MAP3K4: variants seen among roughly 807,000 people sequenced by gnomAD.
The protein encoded by MAP3K4 is MAP three kinase 1.
A neutral mutation model predicts 185.6 loss-of-function variants in MAP3K4; 67 were observed. The ratio of observed to expected loss-of-function variants is 0.36; its 90% CI spans 0.30 to 0.44. The LOEUF is 0.44. MAP3K4 is among the 20% of genes least tolerant of loss of function. The pLI, the probability that MAP3K4 is intolerant of heterozygous loss-of-function variation, is 1.00. For synonymous variants in MAP3K4, 702 were observed against 710.4 expected (o/e 0.99, Z 0.19); for missense variants, 1,551 against 1,995.1 (o/e 0.78, Z 4.24).
At chr6:161,045,353 G>T (rs909541946) in intron 2 of MAP3K4, among the ~76,000 whole-genome samples, 1 of 152,080 alleles carries the variant, frequency 6.6e-6, no homozygotes, top group Admixed American at 6.5e-5. Context: ...AAAAAATTGT[G>T]TAATAGACTG....
In MAP3K4 at chr6:161,088,546, G is replaced by A. The variant is rs143412415; in HGVS notation, c.2823+592G>A. 1.2e-3 allele frequency among the ~76,000 whole-genome samples: 176 copies of A among 152,228 alleles called. No homozygotes were observed. Among genetic ancestry groups the A allele is most frequent in the African/African-American group, 3.9e-3 (162 of 41,528 alleles). ...CCCAACAACTCTGCTTTTATATTCC[G>A]TCTCAGTGAATGGTTCCGCGTTCAC... On this transcript the variant is annotated intron_variant, in intron 10 of 26. Coordinates refer to ENST00000392142, the MANE Select transcript of MAP3K4 (RefSeq NM_005922.4). The surrounding 1 kb of genome is among the most constrained non-coding windows in gnomAD (Gnocchi z 4.5).
rs1255332333 is a variant in MAP3K4 at position 161,091,557 on chromosome 6, A to G, written c.3135+17A>G. On this transcript the variant is annotated intron_variant, in intron 12 of 26. Transcript: ENST00000392142. This position sits in a 1 kb window ranked among gnomAD's most constrained non-coding sequence, Gnocchi z 5.5. ...GGATTTGAGGTAGGTTCAAAATAAGAGGAAACACGGTACAATTTAGTAATT... is the reference window on the plus strand; with the variant it reads ...GGATTTGAGGTAGGTTCAAAATAAGGGGAAACACGGTACAATTTAGTAATT... 17 of 1,604,076 alleles carry G rather than the reference A, an allele frequency of 1.1e-5. No homozygotes were observed. The highest frequency in any genetic ancestry group is 1.4e-5 in the Non-Finnish European group (17 of 1,175,422).
rs34643348 is a variant in MAP3K4, at chr6:161,076,934, G to T, written c.2097+3322G>T. ...GTAGAACCATGTGAACAAGACTACA[G>T]CTGAGAAAAATGCCCTCAGGAAAGG... On this transcript the variant is annotated intron_variant, in intron 5 of 26. Coordinates refer to ENST00000392142, the MANE Select transcript of MAP3K4 (RefSeq NM_005922.4). This position sits in a 1 kb window ranked among gnomAD's most constrained non-coding sequence, Gnocchi z 4.2. Among the ~76,000 whole-genome samples, 1 of 152,200 alleles carries T rather than the reference G, an allele frequency of 6.6e-6. No individual in the cohort carries two copies. The highest frequency in any genetic ancestry group is 2.1e-4 in the South Asian group (1 of 4,828).
chr6:161,066,313 T>G (rs1174226958), intron 3 of MAP3K4, among the ~76,000 whole-genome samples: 2 of 152,166 alleles, frequency 1.3e-5, no homozygotes, highest in Non-Finnish European at 2.9e-5. Context: ...TCTCCCCTTT[T>G]CCTTTTGTTC....
Position 161,075,724 on chromosome 6 carries a change from G to C in MAP3K4, c.2097+2112G>C, listed in dbSNP as rs1785144733. 6.6e-6 allele frequency among the ~76,000 whole-genome samples: 1 copy of C among 152,170 alleles called. No individual in the cohort carries two copies. Among genetic ancestry groups the C allele is most frequent in the Non-Finnish European group, 1.5e-5 (1 of 68,050 alleles). On this transcript the variant is annotated intron_variant, in intron 5 of 26. Coordinates refer to ENST00000392142, the MANE Select transcript of MAP3K4 (RefSeq NM_005922.4). The surrounding 1 kb of genome is among the most constrained non-coding windows in gnomAD (Gnocchi z 4.3). The stretch of plus-strand genomic sequence containing the variant: ...GAGCCTGTGTGATAGTGGAAGTCTA[G>C]GCTAAGTGACTTACCAACATTCACA...
Position 161,007,606 on chromosome 6 carries a change from T to G in MAP3K4, c.152+15523T>G, listed in dbSNP as rs1781650719. Among the ~76,000 whole-genome samples, 1 of 152,254 alleles carries G rather than the reference T, an allele frequency of 6.6e-6. No individual in the cohort carries two copies. Among genetic ancestry groups the G allele is most frequent in the Admixed American group, 6.5e-5 (1 of 15,292 alleles). On this transcript the variant is annotated intron_variant, in intron 1 of 26. Transcript: ENST00000392142. This position sits in a 1 kb window ranked among gnomAD's most constrained non-coding sequence, Gnocchi z 4.5. ...ATTTGTATTAAATAGTTTGAAGTAATTAATTTTAAATACCCAGACATGATC... is the reference window on the plus strand; with the variant it reads ...ATTTGTATTAAATAGTTTGAAGTAAGTAATTTTAAATACCCAGACATGATC...
intron 2 of MAP3K4, among the ~76,000 whole-genome samples, chr6:161,047,686 A>C (rs1783798684): frequency 6.6e-6 from 1 of 152,186 alleles, no homozygotes; most frequent in African/African-American, 2.4e-5. Context: ...GTAGTGAGCA[A>C]AGCTCCAAGG....
chr6:161,033,104 T>A (rs1172089187), intron 1 of MAP3K4, among the ~76,000 whole-genome samples: 1 of 152,194 alleles, frequency 6.6e-6, no homozygotes, highest in Non-Finnish European at 1.5e-5. Flanking sequence ...GTAGAGTAGC[T>A]TTTCTGTTTC....
chr6:161,036,907 A>G (rs1316448805), intron 2 of MAP3K4, among the ~76,000 whole-genome samples: 7 of 152,204 alleles, frequency 4.6e-5, no homozygotes, highest in African/African-American at 1.4e-4. Flanking sequence ...GTATAATGCA[A>G]ATATTCCAAA....
At position 161,073,565 on chromosome 6, in the gene MAP3K4, G is replaced by A. The variant is rs1341256669; in HGVS notation, c.2050G>A (p.Asp684Asn). 15 of 1,613,928 alleles carry A rather than the reference G, an allele frequency of 9.3e-6. No homozygotes were observed. The highest frequency in any genetic ancestry group is 5.5e-5 in the South Asian group (5 of 91,068). ...GGTTCTGGAGGACTTGGAGAAGCCC[G>A]ACTGCAACATTGACGCTTTTGAAGA... ...QEVLEDLEKP[D>N]CNIDAFEEDL... The change falls in exon 5 of 27, where the codon GAC becomes AAC. Residue 684 changes from aspartate to asparagine, a missense_variant. Transcript: ENST00000392142. The surrounding 1 kb of genome is among the most constrained non-coding windows in gnomAD (Gnocchi z 4.2).
chr6:161,096,955 T>C lies in MAP3K4; in HGVS notation c.3428-125T>C. 1 of 640,488 alleles carries C rather than the reference T, an allele frequency of 1.6e-6. No homozygotes were observed. The highest frequency in any genetic ancestry group is 2.6e-4 in the Middle Eastern group (1 of 3,892). The allele number at this position is 640,488 out of a possible 1,614,324, so 39.7% of individuals were successfully genotyped here. ...TATGTAATATTATTTTTTACTTATA[T>C]AAATGGACTTACCTTGGTCATTGGC... On this transcript the variant is annotated intron_variant, in intron 15 of 26. Coordinates refer to ENST00000392142, the MANE Select transcript of MAP3K4 (RefSeq NM_005922.4). This position sits in a 1 kb window ranked among gnomAD's most constrained non-coding sequence, Gnocchi z 4.9.
chr6:161,017,045 G>A lies in MAP3K4; in HGVS notation c.153-17214G>A, dbSNP rs112171150. 0.016 allele frequency among the ~76,000 whole-genome samples: 2,453 copies of A among 151,972 alleles called. 71 individuals carry two copies. Among genetic ancestry groups the A allele is most frequent in the African/African-American group, 0.057 (2,352 of 41,392 alleles). ...AGTTACTAGTAATGATATATATCTC[G>A]GGAGTATAATGCTTTACTAAAGGTC... On this transcript the variant is annotated intron_variant, in intron 1 of 26. Coordinates refer to ENST00000392142, the MANE Select transcript of MAP3K4 (RefSeq NM_005922.4). This position sits in a 1 kb window ranked among gnomAD's most constrained non-coding sequence, Gnocchi z 5.1.
chr6:160,998,251 ATTAAT>A (rs1181501133), intron 1 of MAP3K4, among the ~76,000 whole-genome samples: 3 of 152,196 alleles, frequency 2.0e-5, no homozygotes, highest in Non-Finnish European at 2.9e-5. Context: ...TGCTTAAACT[ATTAAT>A]TTGAGTTAAA....
At chr6:161,059,620 T>G (rs948497073) in intron 3 of MAP3K4, among the ~76,000 whole-genome samples, 6 of 152,232 alleles carry the variant, frequency 3.9e-5, no homozygotes, top group Admixed American at 3.3e-4. Flanking sequence ...AAATACTTCT[T>G]TCAATTTGCC....
chr6:161,084,723 G>C lies in MAP3K4; in HGVS notation c.2372+106G>C. Reference sequence around the variant, plus strand: ...GTTCAAACCAAATTGTGTTGGCCTGGAAGAATTTGGGCAGTAGATGTAAAG... The same window carrying C: ...GTTCAAACCAAATTGTGTTGGCCTGCAAGAATTTGGGCAGTAGATGTAAAG... On this transcript the variant is annotated intron_variant, in intron 7 of 26. Coordinates refer to ENST00000392142, the MANE Select transcript of MAP3K4 (RefSeq NM_005922.4). This position sits in a 1 kb window ranked among gnomAD's most constrained non-coding sequence, Gnocchi z 4.6. The C allele has an allele frequency of 1.6e-6, 1 of 609,546 alleles. No homozygotes were observed. Among genetic ancestry groups the C allele is most frequent in the Non-Finnish European group, 3.0e-6 (1 of 332,040 alleles). The allele number at this position is 609,546 out of a possible 1,614,324, so 37.8% of individuals were successfully genotyped here. A position where few individuals can be genotyped will look rare whatever the true frequency, so the allele number is the denominator to read the frequency against.
intron 7 of MAP3K4, among the ~76,000 whole-genome samples, chr6:161,085,297 T>A (rs1785654522): frequency 6.6e-6 from 1 of 152,262 alleles, no homozygotes; most frequent in African/African-American, 2.4e-5. Context: ...TAATGACATT[T>A]GGTACATTTT....
chr6:161,069,693 A>G lies in MAP3K4; in HGVS notation c.1708-915A>G, dbSNP rs537757380. Among the ~76,000 whole-genome samples the G allele has an allele frequency of 2.8e-4, 42 of 152,238 alleles. No individual in the cohort carries two copies. The Middle Eastern group carries it at 0.01, about 37-fold the overall frequency. On this transcript the variant is annotated intron_variant, in intron 3 of 26. Transcript: ENST00000392142. ...GGGACGGTCCTTTTAGTATAGTGGTAAGGAAGTGAAAGTCCTTGCCCTCAG... is the reference window on the plus strand; with the variant it reads ...GGGACGGTCCTTTTAGTATAGTGGTGAGGAAGTGAAAGTCCTTGCCCTCAG...
rs1412015273 is a variant in MAP3K4 at position 161,077,619 on chromosome 6, C to T, written c.2098-3262C>T. ...CAAGGCCATTCCAGGAATGCACATG[C>T]AAGTCCTTGGATTAGAGGGGGTAAC... On this transcript the variant is annotated intron_variant, in intron 5 of 26. Coordinates refer to ENST00000392142, the MANE Select transcript of MAP3K4 (RefSeq NM_005922.4). The surrounding 1 kb of genome is among the most constrained non-coding windows in gnomAD (Gnocchi z 4.3). Among the ~76,000 whole-genome samples the T allele has an allele frequency of 1.3e-5, 2 of 152,142 alleles. No individual in the cohort carries two copies. Among genetic ancestry groups the T allele is most frequent in the Non-Finnish European group, 2.9e-5 (2 of 68,036 alleles).
Position 161,093,531 on chromosome 6 carries a change from T to C in MAP3K4, c.3349-242T>C, listed in dbSNP as rs1039463824. On this transcript the variant is annotated intron_variant, in intron 14 of 26. Transcript: ENST00000392142. The surrounding 1 kb of genome is among the most constrained non-coding windows in gnomAD (Gnocchi z 5.2). ...GATTACATGAAAAGTTCTTTGCTTG[T>C]ACACGTTATTGTGTTATGGGAAATT... 1.3e-5 allele frequency among the ~76,000 whole-genome samples: 2 copies of C among 152,234 alleles called. No individual in the cohort carries two copies. Among genetic ancestry groups the C allele is most frequent in the Non-Finnish European group, 2.9e-5 (2 of 68,042 alleles).
Sources: gnomAD v4.1 joint callset for allele counts (sites outside exome capture counted in the v4.1 genomes callset) on GRCh38, gnomAD v4.1.1 for gene constraint, Gnocchi (gnomAD v3.1) non-coding constraint, MANE v1.5 for transcripts, NCBI Gene and HGNC (gene_info 2026-07-23, HGNC 2026-07-21) for gene names.